IL21R: variants seen among roughly 807,000 people sequenced by gnomAD.
IL21R encodes the protein interleukin-21 receptor.
In IL21R, 14 loss-of-function variants were observed where a neutral mutation model predicts 41.3. The observed-to-expected ratio is 0.34, with a 90% CI of 0.22 to 0.53. The LOEUF (loss-of-function observed/expected upper bound fraction) is 0.53. Ranked by LOEUF, IL21R falls within the 20% of genes least tolerant of loss-of-function variation. IL21R has a pLI of 0.94. For missense variants in IL21R, 588 were observed against 681.6 expected (o/e 0.86, Z 1.53); for synonymous variants, 286 against 287.6 (o/e 0.99, Z 0.05).
chr16:27,424,221 C>T (rs2087040894), intron 1 of IL21R, among the ~76,000 whole-genome samples: 1 of 152,048 alleles, frequency 6.6e-6, no homozygotes, highest in Non-Finnish European at 1.5e-5. Context: ...ATTACAGGTG[C>T]CCACCACCAC....
At position 27,449,776 on chromosome 16, in the gene IL21R, G is replaced by C. The variant is rs1205929459; in HGVS notation, c.*493G>C. 1 of 240,532 alleles carries C rather than the reference G, an allele frequency of 4.2e-6. No individual in the cohort carries two copies. Among genetic ancestry groups the C allele is most frequent in the Non-Finnish European group, 8.2e-6 (1 of 122,156 alleles). 14.9% of individuals were successfully genotyped at this position (240,532 alleles called of 1,614,324 possible). On this transcript the variant is annotated 3_prime_UTR_variant, in exon 9 of 9. Transcript: ENST00000337929. ...AGCCCTCCAGCGTCTGCCTCCAGGA[G>C]CTGCAAGAAGTCCATATTGTTCCTT... is the stretch of plus-strand genomic sequence containing the variant.
chr16:27,436,871 G>A (rs898953798), intron 3 of IL21R, among the ~76,000 whole-genome samples: 2 of 152,146 alleles, frequency 1.3e-5, no homozygotes, highest in African/African-American at 4.8e-5. Flanking sequence ...CCAGGAGTTT[G>A]AGACCAGCCT....
intron 4 of IL21R, among the ~76,000 whole-genome samples, chr16:27,442,057 T>A (rs1391122284): frequency 6.6e-6 from 1 of 152,096 alleles, no homozygotes; most frequent in Non-Finnish European, 1.5e-5. Context: ...ATTCCAGGGG[T>A]CTCCCGTTTC....
chr16:27,437,411 T>C lies in IL21R; in HGVS notation c.153-77T>C. The C allele has an allele frequency of 5.8e-6, 7 of 1,201,074 alleles. No homozygotes were observed. In the South Asian group the frequency reaches 7.3e-5, roughly 13 times the overall value. 74.4% of individuals were successfully genotyped at this position (1,201,074 alleles called of 1,614,324 possible). ...GCCCTGAGAGTCTGGGCTTCTGCCC[T>C]GGCCCTGAGCACTGAGCCCACCACC... is the stretch of plus-strand genomic sequence containing the variant. On this transcript the variant is annotated intron_variant, in intron 3 of 8. Transcript: ENST00000337929.
Position 27,451,965 on chromosome 16 carries a change from C to T in IL21R, c.*2682C>T, listed in dbSNP as rs2087606349. 1 of 229,280 alleles carries T rather than the reference C, an allele frequency of 4.4e-6. No individual in the cohort carries two copies. The highest frequency in any genetic ancestry group is 2.2e-5 in the African/African-American group (1 of 45,068). The allele number at this position is 229,280 out of a possible 1,614,324, so 14.2% of individuals were successfully genotyped here. A position where few individuals can be genotyped will look rare whatever the true frequency, so the allele number is the denominator to read the frequency against. On this transcript the variant is annotated 3_prime_UTR_variant, in exon 9 of 9. Transcript: ENST00000337929. ...AGATAAAACACAAGTTATACCAGGC[C>T]AGCAACTCTATTTTGTTCACTGCCT...
At chr16:27,403,084 G>T (rs2086684886) in intron 1 of IL21R, 1 of 539,242 alleles carries the variant, frequency 1.9e-6, no homozygotes, top group African/African-American at 1.9e-5. Context: ...TCGCAGATGA[G>T]GCAATGAGGC....
Position 27,448,851 on chromosome 16 carries a change from G to A in IL21R, c.1185G>A (p.Glu395=). The A allele has an allele frequency of 6.2e-7, 1 of 1,613,146 alleles. No individual in the cohort carries two copies. Among genetic ancestry groups the A allele is most frequent in the South Asian group, 1.1e-5 (1 of 91,084 alleles). ...EGPCTWPCSC[E]DDGYPALDLD... ...CATGCACCTGGCCCTGCAGCTGTGA[G>A]GATGACGGCTACCCAGCCCTGGACC... The change falls in exon 9 of 9, where the codon GAG becomes GAA. Residue 395 remains glutamate (E), a synonymous_variant. Transcript: ENST00000337929.
rs2087227846 is a variant in IL21R at position 27,434,347 on chromosome 16, G to A, written c.50G>A (p.Gly17Asp). 1 of 1,610,696 alleles carries A rather than the reference G, an allele frequency of 6.2e-7. No homozygotes were observed. The highest frequency in any genetic ancestry group is 1.3e-5 in the African/African-American group (1 of 74,836). ...APLLLLLLQGGWGCPDLVCYT... is the reference protein window; with the variant it reads ...APLLLLLLQGDWGCPDLVCYT... ...GCCTCTCTCCCCACTGACCCTCCAGGCTGGGGCTGCCCCGACCTCGTCTGC... is the reference window on the plus strand; with the variant it reads ...GCCTCTCTCCCCACTGACCCTCCAGACTGGGGCTGCCCCGACCTCGTCTGC... Residue 17 changes from glycine to aspartate, a missense_variant and splice_region_variant, in exon 3 of 9, where the codon GGC becomes GAC. Coordinates refer to ENST00000337929, the MANE Select transcript of IL21R (RefSeq NM_181078.3).
rs3093357 is a variant in IL21R, at chr16:27,440,978, G to T, written c.353-1984G>T. Among the ~76,000 whole-genome samples the T allele has an allele frequency of 4.9e-3, 739 of 150,510 alleles. 4 individuals are homozygous for T. The highest frequency in any genetic ancestry group is 0.017 in the African/African-American group (708 of 40,888). ...AGGCCGTGTAATCGCTTGGGCTTGG[G>T]AGGTGGAGACTGCAGTGAGCTGAGA... On this transcript the variant is annotated intron_variant, in intron 4 of 8. Coordinates refer to ENST00000337929, the MANE Select transcript of IL21R (RefSeq NM_181078.3).
chr16:27,444,607 C>A lies in IL21R; in HGVS notation c.573C>A (p.Arg191=). The change falls in exon 6 of 9, where the codon CGC becomes CGA. Residue 191 remains arginine, a synonymous_variant. Coordinates refer to ENST00000337929, the MANE Select transcript of IL21R (RefSeq NM_181078.3). ...TCTCCCTCCTCCCCCTGGAGTTCCG[C>A]AAAGACTCGAGCTATGAGCTGCAGG... The part of the protein sequence containing the change: ...RSVSLLPLEF[R]KDSSYELQVR... 6.3e-7 allele frequency: 1 copy of A among 1,585,194 alleles called. No homozygotes were observed.
chr16:27,425,455 C>T lies in IL21R; in HGVS notation c.-16-4601C>T, dbSNP rs887729152. Among the ~76,000 whole-genome samples the T allele has an allele frequency of 9.2e-5, 14 of 152,150 alleles. 1 individual carries two copies. Among genetic ancestry groups the T allele is most frequent in the Admixed American group, 2.6e-4 (4 of 15,284 alleles). On this transcript the variant is annotated intron_variant, in intron 1 of 8. Transcript: ENST00000337929. ...ATATCCCTGGATCCCCTAGTGAAAG[C>T]GTAGGCTCTTTCATCACTTGCCCTG...
intron 4 of IL21R, among the ~76,000 whole-genome samples, chr16:27,442,475 T>C (rs3093361): frequency 0.089 from 13,550 of 152,258 alleles, 723 homozygotes; most frequent in African/African-American, 0.13. Flanking sequence ...GCCATTCTCC[T>C]GCCTCAGCCT....
chr16:27,427,638 T>C (rs1298283351), intron 1 of IL21R, among the ~76,000 whole-genome samples: 2 of 152,140 alleles, frequency 1.3e-5, no homozygotes, highest in African/African-American at 4.8e-5. Context: ...GAATATTGAA[T>C]CTGGGCAAAG....
chr16:27,434,320 A>G lies in IL21R; in HGVS notation c.50-27A>G, dbSNP rs1219562719. On this transcript the variant is annotated intron_variant, in intron 2 of 8. Transcript: ENST00000337929. ...TGCAGTCCCAAGCCACCCCCCACCA[A>G]GGCCTCTCTCCCCACTGACCCTCCA... is the stretch of plus-strand genomic sequence containing the variant. The G allele has an allele frequency of 4.8e-6, 7 of 1,468,808 alleles. No homozygotes were observed. In the South Asian group the frequency reaches 6.8e-5, roughly 14 times the overall value. 91.0% of individuals were successfully genotyped at this position (1,468,808 alleles called of 1,614,324 possible).
intron 1 of IL21R, among the ~76,000 whole-genome samples, chr16:27,406,373 A>T (rs543685481): frequency 6.6e-6 from 1 of 150,820 alleles, no homozygotes; most frequent in South Asian, 2.1e-4. Flanking sequence ...TTGCAGGGAG[A>T]TAGAGATTGC....
intron 1 of IL21R, among the ~76,000 whole-genome samples, chr16:27,415,067 C>T (rs577342475): frequency 1.0e-3 from 155 of 152,256 alleles, no homozygotes; most frequent in Non-Finnish European, 1.9e-3. Context: ...TAAAGCCCTC[C>T]GTGGCCGATC....
chr16:27,432,110 G>C (rs1474583631), intron 2 of IL21R, among the ~76,000 whole-genome samples: 1 of 152,184 alleles, frequency 6.6e-6, no homozygotes, highest in East Asian at 1.9e-4. Flanking sequence ...TCATCTCCTA[G>C]AGTCCCCACC....
chr16:27,428,991 A>AG (rs1462031354), intron 1 of IL21R, among the ~76,000 whole-genome samples: 1 of 152,200 alleles, frequency 6.6e-6, no homozygotes, highest in Non-Finnish European at 1.5e-5. Context: ...TGAGAGGCTG[A>AG]GGTGGGTGGA....
At chr16:27,431,040 T>A (rs1399794091) in intron 2 of IL21R, among the ~76,000 whole-genome samples, 1 of 151,900 alleles carries the variant, frequency 6.6e-6, no homozygotes, top group Non-Finnish European at 1.5e-5. Context: ...GACTAAGAGA[T>A]CCTGGAGGGC....
Sources: allele counts gnomAD v4.1 joint callset (sites outside exome capture counted in the v4.1 genomes callset), GRCh38; gene constraint gnomAD v4.1.1; transcripts MANE v1.5; gene names NCBI Gene and HGNC (gene_info 2026-07-23, HGNC 2026-07-21).